Variants in ASIC2 observed in about 807,000 individuals in gnomAD.
ASIC2 encodes acid-sensing ion channel 2.
In ASIC2, 25 loss-of-function variants were observed where a neutral mutation model predicts 57.3. That is an observed-to-expected ratio of 0.44 (90% confidence interval 0.32 to 0.61). The LOEUF (loss-of-function observed/expected upper bound fraction) is 0.61. Ranked by LOEUF, ASIC2 falls within the 20% of genes least tolerant of loss-of-function variation. ASIC2 has a pLI of 0.06. For missense variants in ASIC2, 641 were observed against 738.1 expected (o/e 0.87, Z 1.52); for synonymous variants, 319 against 307.5 (o/e 1.04, Z -0.39).
intron 1 of ASIC2, among the ~76,000 whole-genome samples, chr17:33,225,857 C>T (rs61252463): frequency 0.044 from 6,643 of 152,300 alleles, 442 homozygotes; most frequent in African/African-American, 0.14. Context: ...ATGGAAGAGA[C>T]ATTTCCTTAG....
intron 1 of ASIC2, among the ~76,000 whole-genome samples, chr17:33,765,825 C>T (rs531666879): frequency 6.6e-6 from 1 of 152,324 alleles, no homozygotes; most frequent in Middle Eastern, 3.4e-3. Context: ...TAGGCACATT[C>T]GTGAGGTCTT....
At chr17:33,725,499 T>C (rs1163405287) in intron 1 of ASIC2, among the ~76,000 whole-genome samples, 1 of 152,094 alleles carries the variant, frequency 6.6e-6, no homozygotes, top group Non-Finnish European at 1.5e-5. Flanking sequence ...TTAAGTATGG[T>C]CTTTCAGAAG....
chr17:34,154,582 AG>A (rs1904643099), intron 1 of ASIC2, among the ~76,000 whole-genome samples: 1 of 152,212 alleles, frequency 6.6e-6, no homozygotes, highest in Non-Finnish European at 1.5e-5. Context: ...CAGAGGCTAC[AG>A]GCAGAGACTG....
intron 1 of ASIC2, among the ~76,000 whole-genome samples, chr17:34,012,538 C>T (rs557776672): frequency 6.6e-6 from 1 of 152,282 alleles, no homozygotes; most frequent in East Asian, 1.9e-4. Flanking sequence ...ACCACTGTTG[C>T]CCCCTTTAGG....
intron 1 of ASIC2, among the ~76,000 whole-genome samples, chr17:33,677,421 A>C (rs1907860375): frequency 6.6e-6 from 1 of 152,226 alleles, no homozygotes; most frequent in Non-Finnish European, 1.5e-5. Flanking sequence ...TTTAAGTCTT[A>C]TTATTCAAGA....
rs1359717817 is a variant in ASIC2 at position 33,951,772 on chromosome 17, T to TG, written c.555+204205_555+204206insC. 3.9e-3 allele frequency among the ~76,000 whole-genome samples: 593 copies of TG among 150,952 alleles called. 12 individuals carry two copies. The highest frequency in any genetic ancestry group is 0.013 in the African/African-American group (539 of 41,188). On this transcript the variant is annotated intron_variant, in intron 1 of 9. Coordinates refer to the ASIC2 transcript ENST00000359872. ...TAATTTTTGTATTTTTTTTTTTTTT[T>TG]TAGTGGAGACAGGGTTTCATCATGT...
At position 33,552,993 on chromosome 17, in the gene ASIC2, G is replaced by A. The variant is rs753674089; in HGVS notation, c.556-440926C>T. ...ACCCTGGGCCCACTGGACAATGTCTGTAGAAGAGGGGCTCTGAGCAGCAGG... is the reference window on the plus strand; with the variant it reads ...ACCCTGGGCCCACTGGACAATGTCTATAGAAGAGGGGCTCTGAGCAGCAGG... On this transcript the variant is annotated intron_variant, in intron 1 of 9. Coordinates refer to the ASIC2 transcript ENST00000359872. Among the ~76,000 whole-genome samples the A allele has an allele frequency of 2.8e-4, 43 of 152,280 alleles. 1 individual carries two copies. The highest frequency in any genetic ancestry group is 5.3e-4 in the Non-Finnish European group (36 of 68,020).
chr17:33,581,030 A>ATG, intron 1 of ASIC2: 1 of 152,352 alleles, frequency 6.6e-6, no homozygotes, highest in African/African-American at 2.4e-5. Context: ...GTCCATGAAT[A>ATG]TGTTACATTT....
intron 1 of ASIC2, among the ~76,000 whole-genome samples, chr17:33,700,614 C>G (rs1908667176): frequency 2.0e-5 from 3 of 152,168 alleles, no homozygotes; most frequent in Admixed American, 6.5e-5. Context: ...TAAGATACTA[C>G]TAATAAAGCA....
rs148395402 is a variant in ASIC2, at chr17:34,073,823, C to G, written c.555+82155G>C. Among the ~76,000 whole-genome samples, 1,458 of 152,292 alleles carry G rather than the reference C, an allele frequency of 9.6e-3. 18 individuals are homozygous for G. Among genetic ancestry groups the G allele is most frequent in the Non-Finnish European group, 0.011 (773 of 68,022 alleles). ...GGAAGGAGCTGTTTGCTGGCTGCCT[C>G]TCATCGGACTGTGAATCTCAGTGCC... On this transcript the variant is annotated intron_variant, in intron 1 of 9. Coordinates refer to the ASIC2 transcript ENST00000359872.
At chr17:34,152,905 T>C (rs1412013290) in intron 1 of ASIC2, among the ~76,000 whole-genome samples, 1 of 151,110 alleles carries the variant, frequency 6.6e-6, no homozygotes, top group Non-Finnish European at 1.5e-5. Context: ...GAATCAAAGC[T>C]GTCTTCTGCT....
intron 1 of ASIC2, among the ~76,000 whole-genome samples, chr17:34,019,356 G>A (rs1031522441): frequency 6.6e-6 from 1 of 152,166 alleles, no homozygotes; most frequent in African/African-American, 2.4e-5. Context: ...ACTACTGTGG[G>A]TAAAATGCAG....
At chr17:33,903,934 CT>C (rs1915284509) in intron 1 of ASIC2, among the ~76,000 whole-genome samples, 1 of 151,966 alleles carries the variant, frequency 6.6e-6, no homozygotes, top group Non-Finnish European at 1.5e-5. Context: ...GAGGCCAAGG[CT>C]TGTGGATCAC....
rs1598254871 is a variant in ASIC2, at chr17:33,053,461, C to A, written c.988-25069G>T. Among the ~76,000 whole-genome samples the A allele has an allele frequency of 2.0e-5, 3 of 152,308 alleles. 1 individual carries two copies. Among genetic ancestry groups the A allele is most frequent in the Admixed American group, 2.0e-4 (3 of 15,298 alleles). On this transcript the variant is annotated intron_variant, in intron 3 of 9. Transcript: ENST00000225823. ...TTGGCCCCTTTTCCTTCTCCCTTAG[C>A]CTCCACTGGAGGTGTGAAAAGGACC...
chr17:33,270,544 G>A (rs574777219), intron 1 of ASIC2, among the ~76,000 whole-genome samples: 14 of 152,326 alleles, frequency 9.2e-5, no homozygotes, highest in African/African-American at 3.1e-4. Flanking sequence ...CTGGGCCTGA[G>A]AATGGGTTTC....
At chr17:33,642,210 C>T (rs1037772969) in intron 1 of ASIC2, among the ~76,000 whole-genome samples, 6 of 10,866 alleles carry the variant, frequency 5.5e-4, no homozygotes, top group Admixed American at 1.4e-3. Context: ...AAAGGACACC[C>T]CCCCCCCCCC....
intron 1 of ASIC2, among the ~76,000 whole-genome samples, chr17:33,774,919 G>T (rs1911218626): frequency 6.6e-6 from 1 of 152,210 alleles, no homozygotes; most frequent in African/African-American, 2.4e-5. Flanking sequence ...TGCAGTCCCT[G>T]GTTCATGAGG....
intron 3 of ASIC2, among the ~76,000 whole-genome samples, chr17:33,034,408 G>T (rs766381092): frequency 3.9e-5 from 6 of 152,118 alleles, no homozygotes; most frequent in Admixed American, 6.5e-5. Context: ...GAGGTGGGAG[G>T]ATCGCTTGAG....
intron 1 of ASIC2, among the ~76,000 whole-genome samples, chr17:33,194,950 T>G (rs1331651778): frequency 2.6e-5 from 4 of 152,144 alleles, no homozygotes; most frequent in Non-Finnish European, 5.9e-5. Flanking sequence ...TGTTTGCCAC[T>G]TCTTAGGGAA....
Sources: allele counts gnomAD v4.1 joint callset (sites outside exome capture counted in the v4.1 genomes callset), GRCh38; gene constraint gnomAD v4.1.1; transcripts MANE v1.5; gene names NCBI Gene and HGNC (gene_info 2026-07-23, HGNC 2026-07-21).